Variants in SLC3A1 observed in about 807,000 individuals in gnomAD.
SLC3A1 encodes the protein amino acid transporter heavy chain SLC3A1.
A neutral mutation model predicts 60.3 loss-of-function variants in SLC3A1; 78 were observed. The ratio of observed to expected loss-of-function variants is 1.29; its 90% CI spans 1.08 to 1.56. The LOEUF is 1.56. SLC3A1 is among the 40% of genes most tolerant of loss of function. The pLI is 0.00. For synonymous variants in SLC3A1, 392 were observed against 307.9 expected (o/e 1.27, Z -2.86); for missense variants, 1,172 against 858.9 (o/e 1.36, Z -4.56).
intron 1 of SLC3A1, among the ~76,000 whole-genome samples, chr2:44,276,522 T>G (rs1671344822): frequency 6.6e-6 from 1 of 152,174 alleles, no homozygotes; most frequent in Non-Finnish European, 1.5e-5. Context: ...TCGTCATTAC[T>G]TGAATTAAGG....
chr2:44,291,056 A>AGTC (rs1461902316), intron 4 of SLC3A1, among the ~76,000 whole-genome samples: 1 of 152,208 alleles, frequency 6.6e-6, no homozygotes, highest in African/African-American at 2.4e-5. Context: ...AGATAGGTAA[A>AGTC]GTCACCATCC....
At chr2:44,299,857 C>G in intron 4 of SLC3A1, 114 bp from the exon 5 acceptor site, 1 of 1,057,914 alleles carries the variant, frequency 9.5e-7, no homozygotes, top group Non-Finnish European at 1.5e-6. Flanking sequence ...TGTGCTTGTT[C>G]TGTATGTAGA....
intron 1 of SLC3A1, among the ~76,000 whole-genome samples, 177 bp downstream of exon 1, chr2:44,276,142 C>G (rs754664511): frequency 6.6e-6 from 1 of 152,180 alleles, no homozygotes; most frequent in Non-Finnish European, 1.5e-5. Flanking sequence ...CAGAACCCAG[C>G]AGTTATTTTA....
rs755263791 is a variant in SLC3A1 at position 44,275,632 on chromosome 2, C to G, written c.97C>G (p.Gln33Glu). The change falls in exon 1 of 10, where the codon CAG becomes GAG. Residue 33 changes from glutamine to glutamate, a missense_variant. Transcript: ENST00000260649. ...TGTCCATAATGAAGACATTCTGGAG[C>G]AGACCCCGGATCCAGGAAGCTCAAC... Reference protein sequence around the residue: ...GFVHNEDILEQTPDPGSSTDN... With the variant: ...GFVHNEDILEETPDPGSSTDN... The G allele has an allele frequency of 2.4e-5, 38 of 1,613,996 alleles. No homozygotes were observed. The Admixed American group carries it at 3.5e-4, about 15-fold the overall frequency.
intron 6 of SLC3A1, among the ~76,000 whole-genome samples, chr2:44,303,538 C>T (rs1306768564): frequency 8.0e-6 from 1 of 124,232 alleles, no homozygotes; most frequent in South Asian, 2.8e-4. Context: ...CACCTGGCAC[C>T]CAAATGTGTT....
chr2:44,312,443 G>A (rs1672321574), intron 7 of SLC3A1, 143 bp from the exon 8 acceptor site: 2 of 792,894 alleles, frequency 2.5e-6, no homozygotes, highest in Admixed American at 3.9e-5. Flanking sequence ...CAAATAGCAG[G>A]CCTAGGACTC....
Position 44,286,040 on chromosome 2 carries a change from G to T in SLC3A1, c.774G>T (p.Val258=), listed in dbSNP as rs371572068. ...KTIPPNNWLS[V]YGNSSWHFDE... ...TTTTCTTTGTTTGCCAGTTAAGTGTGTATGGAAACTCCAGTTGGCACTTTG... is the reference window on the plus strand; with the variant it reads ...TTTTCTTTGTTTGCCAGTTAAGTGTTTATGGAAACTCCAGTTGGCACTTTG... The change falls in exon 4 of 10, where the codon GTG becomes GTT. Residue 258 remains valine, a synonymous_variant. Transcript: ENST00000260649. 6.2e-7 allele frequency: 1 copy of T among 1,614,144 alleles called. No homozygotes were observed. Among genetic ancestry groups the T allele is most frequent in the Non-Finnish European group, 8.5e-7 (1 of 1,180,008 alleles).
intron 1 of SLC3A1, among the ~76,000 whole-genome samples, chr2:44,278,010 C>G (rs116777358): frequency 6.6e-6 from 1 of 152,148 alleles, no homozygotes; most frequent in Non-Finnish European, 1.5e-5. Flanking sequence ...TTGTTTTCAT[C>G]CTCATGTTCC....
At chr2:44,292,903 A>C (rs1671770410) in intron 4 of SLC3A1, among the ~76,000 whole-genome samples, 1 of 151,974 alleles carries the variant, frequency 6.6e-6, no homozygotes, top group Admixed American at 6.6e-5. Context: ...TTTTTTTTCA[A>C]TTTGAGAAAT....
intron 4 of SLC3A1, among the ~76,000 whole-genome samples, chr2:44,294,681 A>G (rs1289855043): frequency 6.6e-6 from 1 of 152,096 alleles, no homozygotes; most frequent in African/African-American, 2.4e-5. Flanking sequence ...CAGAGGGTCA[A>G]ATTCTGAAGT....
intron 1 of SLC3A1, among the ~76,000 whole-genome samples, 175 bp from the exon 2 acceptor site, chr2:44,280,541 T>C (rs866393936): frequency 1.8e-4 from 28 of 152,200 alleles, no homozygotes; most frequent in African/African-American, 6.8e-4. Flanking sequence ...CCCGACCTAA[T>C]TTGATATTTT....
chr2:44,297,603 A>G (rs2104358653), intron 4 of SLC3A1, among the ~76,000 whole-genome samples: 1 of 152,296 alleles, frequency 6.6e-6, no homozygotes, highest in East Asian at 1.9e-4. Flanking sequence ...CTTGTCCCAC[A>G]TGTCCCCAAC....
Position 44,320,552 on chromosome 2 carries a change from T to C in SLC3A1, c.1971T>C (p.His657=), listed in dbSNP as rs780297364. The C allele has an allele frequency of 1.2e-6, 2 of 1,614,062 alleles. No homozygotes were observed. Among genetic ancestry groups the C allele is most frequent in the East Asian group, 4.5e-5 (2 of 44,880 alleles). ...AACACAACACGAAGAATCTCCTTCA[T>C]CGCCAAACAGCTTTCAGAGATAGAT... ...IFEHNTKNLL[H]RQTAFRDRCF... The change falls in exon 10 of 10, where the codon CAT becomes CAC. Residue 657 remains histidine, a synonymous_variant. Transcript: ENST00000260649.
At position 44,320,535 on chromosome 2, in the gene SLC3A1, A is replaced by G. The variant is rs751203733; in HGVS notation, c.1954A>G (p.Thr652Ala). ...KGEGLIFEHN[T>A]KNLLHRQTAF... ...AGAGGGACTCATCTTTGAACACAAC[A>G]CGAAGAATCTCCTTCATCGCCAAAC... Residue 652 changes from threonine to alanine, a missense_variant, in exon 10 of 10, where the codon ACG becomes GCG. Transcript: ENST00000260649. 2.5e-6 allele frequency: 4 copies of G among 1,613,950 alleles called. No individual in the cohort carries two copies. Among genetic ancestry groups the G allele is most frequent in the Admixed American group, 3.3e-5 (2 of 59,996 alleles).
intron 4 of SLC3A1, among the ~76,000 whole-genome samples, chr2:44,297,295 A>C (rs1198106726): frequency 6.6e-6 from 1 of 152,200 alleles, no homozygotes; most frequent in Non-Finnish European, 1.5e-5. Context: ...CCTTGCTGGG[A>C]GAGGCTGGCT....
At chr2:44,283,206 G>C (rs1431774384) in intron 3 of SLC3A1, among the ~76,000 whole-genome samples, 1 of 152,114 alleles carries the variant, frequency 6.6e-6, no homozygotes, top group African/African-American at 2.4e-5. Flanking sequence ...ACTCAGAATT[G>C]ATATATTTGC....
At position 44,275,936 on chromosome 2, in the gene SLC3A1, G is replaced by A; in HGVS notation, c.401G>A (p.Ser134Asn). Residue 134 changes from serine (S) to asparagine (N), a missense_variant, in exon 1 of 10, where the codon AGT becomes AAT. Physicochemically the swap from Ser to Asn is conservative, Grantham distance 46. Transcript: ENST00000260649. The part of the protein sequence containing the change: ...YQIYPRSFKD[S>N]NKDGNGDLKG... ...ATCTACCCAAGGTCTTTCAAGGACA[G>A]TAACAAGGATGGGAACGGAGATCTG... The A allele has an allele frequency of 6.2e-7, 1 of 1,614,224 alleles. No homozygotes were observed. The highest frequency in any genetic ancestry group is 8.5e-7 in the Non-Finnish European group (1 of 1,180,028).
chr2:44,308,536 C>A (rs1030007476), intron 7 of SLC3A1, among the ~76,000 whole-genome samples: 1 of 152,074 alleles, frequency 6.6e-6, no homozygotes, highest in Non-Finnish European at 1.5e-5. Flanking sequence ...AAGTCTTAGA[C>A]TTTTTGTTCA....
intron 4 of SLC3A1, among the ~76,000 whole-genome samples, chr2:44,289,237 G>T (rs1671684167): frequency 6.7e-6 from 1 of 150,208 alleles, no homozygotes; most frequent in African/African-American, 2.5e-5. Flanking sequence ...TTGAGACAGG[G>T]TCTCACTCTG....
Sources: gnomAD v4.1 joint callset for allele counts (sites outside exome capture counted in the v4.1 genomes callset) on GRCh38, gnomAD v4.1.1 for gene constraint, MANE v1.5 for transcripts, NCBI Gene and HGNC (gene_info 2026-07-23, HGNC 2026-07-21) for gene names.